Variants in SPACA3 observed in about 807,000 individuals in gnomAD.
SPACA3 encodes sperm acrosome associated 3, also known as sperm acrosome membrane-associated protein 3.
A neutral mutation model predicts 24.5 loss-of-function variants in SPACA3; 21 were observed. The ratio of observed to expected loss-of-function variants is 0.86; its 90% CI spans 0.61 to 1.24. The LOEUF is 1.24. SPACA3 is among the 50% of genes most tolerant of loss of function. The pLI is 0.00. For synonymous variants in SPACA3, 115 were observed against 106.9 expected (o/e 1.08, Z -0.47); for missense variants, 278 against 275.5 (o/e 1.01, Z -0.06).
intron 2 of SPACA3, 99 bp downstream of exon 2, chr17:32,995,816 C>T: frequency 1.5e-6 from 2 of 1,321,666 alleles, no homozygotes; most frequent in Non-Finnish European, 2.1e-6. Flanking sequence ...GCTTCGGGAG[C>T]TTTTAGAGCC....
At chr17:32,994,661 G>T (rs2091711258) in intron 1 of SPACA3, among the ~76,000 whole-genome samples, 1 of 152,154 alleles carries the variant, frequency 6.6e-6, no homozygotes, top group Non-Finnish European at 1.5e-5. Context: ...TGCGGGTGAG[G>T]ACAAGAAGCA....
In SPACA3 at chr17:32,995,633, GCCAA is replaced by G; in HGVS notation, c.260_263del (p.Ala87GlyfsTer83). 1.2e-6 allele frequency: 2 copies of G among 1,614,226 alleles called. No individual in the cohort carries two copies. The highest frequency in any genetic ancestry group is 1.7e-6 in the Non-Finnish European group (2 of 1,180,038). The stretch of plus-strand genomic sequence containing the variant: ...CAGCTGCCTGCTACCCTCCAGTGAG[GCCAA>G]GCTCTACGGTCGTTGTGAACTGGCC... On this transcript the variant is annotated frameshift_variant, in exon 2 of 5. Transcript: ENST00000269053. LOFTEE classifies it high-confidence loss of function.
intron 1 of SPACA3, among the ~76,000 whole-genome samples, chr17:32,993,614 C>T (rs2091704554): frequency 6.6e-6 from 1 of 152,006 alleles, no homozygotes; most frequent in South Asian, 2.1e-4. Flanking sequence ...CTCCTTGGAC[C>T]CGCAGAGCAG....
At chr17:32,994,227 G>A (rs1329825927) in intron 1 of SPACA3, among the ~76,000 whole-genome samples, 1 of 152,188 alleles carries the variant, frequency 6.6e-6, no homozygotes, top group Non-Finnish European at 1.5e-5. Flanking sequence ...GTTCATAACA[G>A]AAACAACAAC....
At chr17:32,994,798 C>A (rs2091711812) in intron 1 of SPACA3, among the ~76,000 whole-genome samples, 1 of 152,144 alleles carries the variant, frequency 6.6e-6, no homozygotes, top group Admixed American at 6.5e-5. Context: ...ATTTGGGGGA[C>A]TGGCCACACA....
chr17:32,996,838 T>C lies in SPACA3; in HGVS notation c.344-5T>C. The C allele has an allele frequency of 1.9e-6, 3 of 1,577,550 alleles. No homozygotes were observed. Among genetic ancestry groups the C allele is most frequent in the Non-Finnish European group, 1.7e-6 (2 of 1,161,402 alleles). On this transcript the variant is annotated splice_polypyrimidine_tract_variant and splice_region_variant and intron_variant, in intron 2 of 4. Transcript: ENST00000269053. ...ACCCCCAGGCCTATGCTCTGCCCTA[T>C]GCAGGGGTCTGCCTTGCTTATTTCA...
chr17:32,996,378 G>A (rs1479159701), intron 2 of SPACA3, among the ~76,000 whole-genome samples: 8 of 151,732 alleles, frequency 5.3e-5, no homozygotes, highest in African/African-American at 1.9e-4. Context: ...AATCCCAGCT[G>A]CTTGGGAGGC....
chr17:32,997,346 G>C, intron 3 of SPACA3, 99 bp from the exon 4 acceptor site: 2 of 399,650 alleles, frequency 5.0e-6, no homozygotes, highest in East Asian at 4.7e-5. Context: ...TGTGTGTGTA[G>C]AGAGAGAGAG....
At chr17:32,995,751 C>T (rs1286462872) in intron 2 of SPACA3, 34 bp downstream of exon 2, 2 of 1,589,254 alleles carry the variant, frequency 1.3e-6, no homozygotes, top group Non-Finnish European at 1.7e-6. Flanking sequence ...GCCCTGACTT[C>T]CCCACACCTC....
intron 1 of SPACA3, among the ~76,000 whole-genome samples, chr17:32,994,197 G>A (rs918090890): frequency 5.3e-5 from 8 of 152,140 alleles, no homozygotes; most frequent in South Asian, 4.1e-4. Context: ...AGACAAGCGC[G>A]AGTACCAGTG....
chr17:32,997,343 G>GTGTGTGTT, intron 3 of SPACA3, 102 bp from the exon 4 acceptor site: 1 of 561,212 alleles, frequency 1.8e-6, no homozygotes, highest in Non-Finnish European at 2.9e-6. Flanking sequence ...GTGTGTGTGT[G>GTGTGTGTT]TAGAGAGAGA....
chr17:32,993,704 C>G (rs2091705290), intron 1 of SPACA3, among the ~76,000 whole-genome samples: 1 of 151,892 alleles, frequency 6.6e-6, no homozygotes, highest in Non-Finnish European at 1.5e-5. Flanking sequence ...CGATTTTCCC[C>G]AGGAGTTTGG....
intron 4 of SPACA3, 24 bp from the exon 5 acceptor site, chr17:32,997,688 C>T: frequency 4.3e-6 from 7 of 1,612,784 alleles, no homozygotes; most frequent in African/African-American, 1.3e-5. Flanking sequence ...ATTATCTCTC[C>T]TCTTCCCTGT....
Position 32,997,540 on chromosome 17 carries a change from G to A in SPACA3, c.581+17G>A, listed in dbSNP as rs1340299123. On this transcript the variant is annotated intron_variant, in intron 4 of 4. Coordinates refer to ENST00000269053, the MANE Select transcript of SPACA3 (RefSeq NM_173847.5). ...GGGTTACTGGTAAGTAACTTGGGCT[G>A]GAGCCCCGCAGCGGTGGTATGGTTA... 3 of 1,609,552 alleles carry A rather than the reference G, an allele frequency of 1.9e-6. No homozygotes were observed. Among genetic ancestry groups the A allele is most frequent in the Admixed American group, 3.3e-5 (2 of 60,000 alleles).
At chr17:32,995,385 C>G (rs888560368) in intron 1 of SPACA3, 24 bp from the exon 2 acceptor site, 14 of 1,567,746 alleles carry the variant, frequency 8.9e-6, no homozygotes, top group Non-Finnish European at 1.1e-5. Context: ...CTGCCCACCC[C>G]TTCTCTCCTC....
At chr17:32,993,093 T>A (rs1490979394) in intron 1 of SPACA3, 2 of 377,758 alleles carry the variant, frequency 5.3e-6, no homozygotes, top group East Asian at 1.6e-4. Flanking sequence ...GGGTGAAAGA[T>A]GTCATGGGGA....
intron 1 of SPACA3, among the ~76,000 whole-genome samples, chr17:32,992,276 C>T (rs910739484): frequency 6.6e-6 from 1 of 151,528 alleles, no homozygotes; most frequent in African/African-American, 2.4e-5. Context: ...ATTAACCCCA[C>T]ACCTTTCAAT....
chr17:32,992,961 G>A (rs969302907), intron 1 of SPACA3: 3 of 470,918 alleles, frequency 6.4e-6, no homozygotes, highest in African/African-American at 6.0e-5. Context: ...TGGAAGAGTG[G>A]TTGAGACATG....
At chr17:32,997,346 G>GTGTGT (rs2091728584) in intron 3 of SPACA3, 99 bp from the exon 4 acceptor site, 12 of 398,344 alleles carry the variant, frequency 3.0e-5, no homozygotes, top group African/African-American at 2.4e-4. Flanking sequence ...TGTGTGTGTA[G>GTGTGT]AGAGAGAGAG....
Sources: gnomAD v4.1 joint callset for allele counts (sites outside exome capture counted in the v4.1 genomes callset) on GRCh38, gnomAD v4.1.1 for gene constraint, MANE v1.5 for transcripts, NCBI Gene and HGNC (gene_info 2026-07-23, HGNC 2026-07-21) for gene names.